TMC2: variants seen among roughly 807,000 people sequenced by gnomAD.
The protein encoded by TMC2 is transmembrane channel like 2, also known as transmembrane channel-like protein 2.
A neutral mutation model predicts 105.9 loss-of-function variants in TMC2; 102 were observed. That is an observed-to-expected ratio of 0.96 (90% CI 0.82 to 1.14). The LOEUF (loss-of-function observed/expected upper bound fraction) is 1.14. TMC2 is among the 50% of genes most tolerant of loss of function. The pLI, the probability that TMC2 is intolerant of heterozygous loss-of-function variation, is 0.00. For missense variants in TMC2, 1,093 were observed against 1,134.3 expected (o/e 0.96, Z 0.52); for synonymous variants, 402 against 422.8 (o/e 0.95, Z 0.60).
chr20:2,616,547 AGAG>A lies in TMC2; in HGVS notation c.1940+349_1940+351del, dbSNP rs1401346136. On this transcript the variant is annotated intron_variant, in intron 15 of 19. Coordinates refer to ENST00000358864, the MANE Select transcript of TMC2 (RefSeq NM_080751.3). This position sits in a 1 kb window ranked among gnomAD's most constrained non-coding sequence, Gnocchi z 4.8. ...GGAAGGAGTAAAGAAGAGGAGGAAA[AGAG>A]GAGGAAAGGAAAATAAAGAAGGAGG... is the stretch of plus-strand genomic sequence containing the variant. Among the ~76,000 whole-genome samples the A allele has an allele frequency of 4.0e-5, 6 of 149,348 alleles. No individual in the cohort carries two copies. The highest frequency in any genetic ancestry group is 2.1e-4 in the South Asian group (1 of 4,700).
chr20:2,539,774 G>A lies in TMC2; in HGVS notation c.82+2458G>A, dbSNP rs1372803078. ...TTGTAAGACAAATCATACCTCACTGGCTAACACTGACTAGCTTCCTACCCT... is the reference window on the plus strand; with the variant it reads ...TTGTAAGACAAATCATACCTCACTGACTAACACTGACTAGCTTCCTACCCT... On this transcript the variant is annotated intron_variant, in intron 2 of 19. Transcript: ENST00000358864. 3.9e-5 allele frequency among the ~76,000 whole-genome samples: 6 copies of A among 152,134 alleles called. No individual in the cohort carries two copies. The East Asian group carries it at 5.8e-4, about 15-fold the overall frequency.
intron 8 of TMC2, 113 bp from the exon 9 acceptor site, chr20:2,594,712 C>A (rs1600118921): frequency 8.7e-7 from 1 of 1,143,342 alleles, no homozygotes; most frequent in East Asian, 2.4e-5. Context: ...CTTCCTTCGG[C>A]CCTTAGATTC....
At chr20:2,572,306 C>G (rs11906103) in intron 5 of TMC2, 37 bp downstream of exon 5, 155,926 of 1,519,072 alleles carry the variant, frequency 0.1, 9,272 homozygotes, top group African/African-American at 0.21. Context: ...GTTGGGAGGG[C>G]TTGCTCAGCT....
At chr20:2,560,079 G>A (rs1293783185) in intron 3 of TMC2, among the ~76,000 whole-genome samples, 3 of 152,100 alleles carry the variant, frequency 2.0e-5, no homozygotes, top group Non-Finnish European at 4.4e-5. Flanking sequence ...TTGATGGAGC[G>A]CTGAATTCCC....
intron 4 of TMC2, among the ~76,000 whole-genome samples, chr20:2,563,774 C>G (rs187376808): frequency 0.08 from 12,231 of 152,258 alleles, 1,172 homozygotes; most frequent in African/African-American, 0.23. Context: ...GTCACCCACG[C>G]TGGAGTCCAG....
intron 7 of TMC2, among the ~76,000 whole-genome samples, chr20:2,591,737 GAAGAA>G (rs556667169): frequency 1.3e-3 from 199 of 151,902 alleles, no homozygotes; most frequent in Middle Eastern, 6.8e-3. Flanking sequence ...AGAGAAAAGA[GAAGAA>G]AAGAAAAGAA....
chr20:2,597,699 T>C (rs1281413428), intron 10 of TMC2, among the ~76,000 whole-genome samples: 3 of 151,546 alleles, frequency 2.0e-5, no homozygotes, highest in African/African-American at 7.3e-5. Flanking sequence ...GGTTTTACCA[T>C]GTTGGTCAGG....
At chr20:2,545,694 GGAAGAAGAAAGAAGA>G (rs2085918315) in intron 2 of TMC2, among the ~76,000 whole-genome samples, 2 of 65,356 alleles carry the variant, frequency 3.1e-5, no homozygotes, top group Non-Finnish European at 9.0e-5. Flanking sequence ...GAAAGAAGAA[GGAAGAAGAAAGAAGA>G]AGGAAGAAGA....
chr20:2,632,907 C>T (rs6050708), intron 17 of TMC2, among the ~76,000 whole-genome samples: 115,058 of 152,200 alleles, frequency 0.76, 43,619 homozygotes, highest in East Asian at 0.87. Context: ...CTAGTTTTTG[C>T]TGAAAACTGG....
intron 17 of TMC2, among the ~76,000 whole-genome samples, chr20:2,631,159 T>C (rs1468223708): frequency 6.6e-6 from 1 of 152,104 alleles, no homozygotes; most frequent in Admixed American, 6.6e-5. Flanking sequence ...TTTGAATTAA[T>C]ACCAACTTAA....
chr20:2,540,924 G>A (rs778629261), intron 2 of TMC2, among the ~76,000 whole-genome samples: 3 of 151,998 alleles, frequency 2.0e-5, no homozygotes, highest in Non-Finnish European at 2.9e-5. Flanking sequence ...CCCTGTGGGC[G>A]TGTACCCCTC....
intron 11 of TMC2, among the ~76,000 whole-genome samples, chr20:2,603,605 G>C (rs1226053377): frequency 6.6e-6 from 1 of 152,144 alleles, no homozygotes; most frequent in Non-Finnish European, 1.5e-5. Context: ...GGTGGCCTAG[G>C]TTATTTGGAT....
intron 5 of TMC2, among the ~76,000 whole-genome samples, chr20:2,577,864 C>G (rs1263561426): frequency 6.6e-6 from 1 of 152,070 alleles, no homozygotes; most frequent in South Asian, 2.1e-4. Context: ...CACCTGCACT[C>G]GGCCTGGGCA....
At chr20:2,621,899 A>G (rs2086527812) in intron 16 of TMC2, among the ~76,000 whole-genome samples, 1 of 152,226 alleles carries the variant, frequency 6.6e-6, no homozygotes, top group African/African-American at 2.4e-5. Flanking sequence ...CCAGCGTGAC[A>G]AACAGCAGGC....
intron 4 of TMC2, among the ~76,000 whole-genome samples, chr20:2,566,364 C>A (rs1311642895): frequency 6.6e-6 from 1 of 152,110 alleles, no homozygotes; most frequent in Non-Finnish European, 1.5e-5. Flanking sequence ...ATGCTGAGCC[C>A]TGAGAGATGA....
rs1482164217 is a variant in TMC2, at chr20:2,561,895, T to A, written c.439T>A (p.Ser147Thr). The A allele has an allele frequency of 3.1e-6, 5 of 1,613,800 alleles. No individual in the cohort carries two copies. The Admixed American group carries it at 6.7e-5, about 22-fold the overall frequency. ...GGCCTCCAGTGCCTCTGGTGGGGAG[T>A]CCCTGTCCGAGGAGGAACTGGCCCA... ...SLASSASGGESLSEEELAQIL... is the reference protein window; with the variant it reads ...SLASSASGGETLSEEELAQIL... The change falls in exon 4 of 20, where the codon TCC (serine) becomes ACC (threonine). Residue 147 changes from serine to threonine, a missense_variant. Transcript: ENST00000358864.
intron 2 of TMC2, among the ~76,000 whole-genome samples, chr20:2,554,679 G>C (rs879714624): frequency 6.6e-6 from 1 of 152,096 alleles, no homozygotes; most frequent in African/African-American, 2.4e-5. Flanking sequence ...TTCTCTTGAG[G>C]CTTCTTTAAC....
intron 12 of TMC2, among the ~76,000 whole-genome samples, chr20:2,611,135 G>T (rs2086435062): frequency 6.6e-6 from 1 of 152,190 alleles, no homozygotes; most frequent in Non-Finnish European, 1.5e-5. Context: ...GCAGTGCACA[G>T]GAGGAGCTCC....
At chr20:2,577,269 G>T (rs1218384434) in intron 5 of TMC2, among the ~76,000 whole-genome samples, 3 of 151,590 alleles carry the variant, frequency 2.0e-5, no homozygotes, top group African/African-American at 7.3e-5. Context: ...TCGAACTCAT[G>T]ACCTCAAGTG....
Sources: allele counts gnomAD v4.1 joint callset (sites outside exome capture counted in the v4.1 genomes callset), GRCh38; gene constraint gnomAD v4.1.1; non-coding constraint Gnocchi (gnomAD v3.1); transcripts MANE v1.5; gene names NCBI Gene and HGNC (gene_info 2026-07-23, HGNC 2026-07-21).